SVIL: variants seen among roughly 807,000 people sequenced by gnomAD.
The protein encoded by SVIL is archvillin.
Under a neutral mutation model 240.4 loss-of-function variants are expected in SVIL, and 101 were observed. The ratio of observed to expected loss-of-function variants is 0.42; its 90% CI spans 0.36 to 0.50. The LOEUF is 0.50. Among genes scored for constraint, SVIL ranks in the 20% least tolerant of loss-of-function variants. The pLI, the probability that SVIL is intolerant of heterozygous loss-of-function variation, is 0.01. For synonymous variants in SVIL, 999 were observed against 1,100.0 expected (o/e 0.91, Z 1.82); for missense variants, 2,512 against 2,818.7 (o/e 0.89, Z 2.46).
intron 2 of SVIL, among the ~76,000 whole-genome samples, chr10:29,682,204 C>T (rs1409447566): frequency 1.3e-5 from 2 of 152,170 alleles, no homozygotes; most frequent in Admixed American, 1.3e-4. Flanking sequence ...GTCACCAACA[C>T]AGCTCCAATA....
At chr10:29,649,669 TAC>T (rs140706713) in intron 3 of SVIL, among the ~76,000 whole-genome samples, 15 of 150,402 alleles carry the variant, frequency 1.0e-4, no homozygotes, top group Non-Finnish European at 7.4e-5. Context: ...TGCATGGGCG[TAC>T]ACACACACAC....
At chr10:29,672,854 A>G (rs1002867476) in intron 2 of SVIL, among the ~76,000 whole-genome samples, 7 of 151,788 alleles carry the variant, frequency 4.6e-5, no homozygotes, top group Non-Finnish European at 7.4e-5. Flanking sequence ...TTGTTTATTT[A>G]TCTTTGTTTC....
rs1249868318 is a variant in SVIL at position 29,538,901 on chromosome 10, C to T, written c.828-2832G>A. On this transcript the variant is annotated intron_variant, in intron 6 of 37. Transcript: ENST00000355867. ...AGAGGCCAGGTGTGGTGGCTCACGC[C>T]TCTTGTAATCCCAGCCCTTTTGGAG... Among the ~76,000 whole-genome samples, 5 of 152,260 alleles carry T rather than the reference C, an allele frequency of 3.3e-5. No homozygotes were observed. The East Asian group carries it at 9.6e-4, about 29-fold the overall frequency.
intron 3 of SVIL, 82 bp from the exon 4 acceptor site, chr10:29,555,190 G>C (rs749717362): frequency 1.4e-5 from 18 of 1,314,132 alleles, no homozygotes; most frequent in Non-Finnish European, 1.8e-5. Flanking sequence ...CGTGTTTATT[G>C]AACTGCAAAT....
intron 1 of SVIL, among the ~76,000 whole-genome samples, chr10:29,700,914 A>C (rs1962468406): frequency 6.6e-6 from 1 of 152,182 alleles, no homozygotes; most frequent in Non-Finnish European, 1.5e-5. Flanking sequence ...CATCGCTTCA[A>C]GGCTCACCTG....
In SVIL at chr10:29,524,352, T is replaced by C. The variant is rs904455964; in HGVS notation, c.2586+120A>G. 5.5e-6 allele frequency: 8 copies of C among 1,466,212 alleles called. No individual in the cohort carries two copies. In the East Asian group the frequency reaches 1.8e-4, roughly 33 times the overall value. The allele number at this position is 1,466,212 out of a possible 1,614,324, so 90.8% of individuals were successfully genotyped here. A position where few individuals can be genotyped will look rare whatever the true frequency, so the allele number is the denominator to read the frequency against. On this transcript the variant is annotated intron_variant, in intron 14 of 37. Coordinates refer to ENST00000355867, the MANE Select transcript of SVIL (RefSeq NM_021738.3). ...GGAAGAAAGCTATTACCAAATCACC[T>C]ACAGGTAGCAGTTTCCTGGTAGAGC...
chr10:29,680,666 C>T (rs1369626648), intron 2 of SVIL, among the ~76,000 whole-genome samples: 1 of 152,230 alleles, frequency 6.6e-6, no homozygotes, highest in African/African-American at 2.4e-5. Flanking sequence ...CGCCTGTAAT[C>T]CCAGCACTTT....
chr10:29,670,648 T>C (rs1041712859), intron 2 of SVIL, among the ~76,000 whole-genome samples: 1 of 141,252 alleles, frequency 7.1e-6, no homozygotes, highest in African/African-American at 2.9e-5. Context: ...GATTTATAGG[T>C]TCAGGAAACT....
At chr10:29,474,742 G>GA (rs1358233048) in intron 29 of SVIL, among the ~76,000 whole-genome samples, 1 of 152,136 alleles carries the variant, frequency 6.6e-6, no homozygotes, top group African/African-American at 2.4e-5. Flanking sequence ...AGCTGGTAGA[G>GA]AAAAAATGTT....
chr10:29,524,222 G>A (rs1475960023), intron 14 of SVIL, among the ~76,000 whole-genome samples, 195 bp from the exon 15 acceptor site: 1 of 152,078 alleles, frequency 6.6e-6, no homozygotes, highest in African/African-American at 2.4e-5. Flanking sequence ...ACACAGTTGG[G>A]CATACTATTT....
intron 1 of SVIL, among the ~76,000 whole-genome samples, chr10:29,712,617 A>T (rs1313519233): frequency 2.0e-5 from 3 of 152,214 alleles, no homozygotes; most frequent in African/African-American, 7.2e-5. Context: ...CCTTTATAGC[A>T]ACACTAAAGG....
intron 3 of SVIL, among the ~76,000 whole-genome samples, chr10:29,654,539 C>T (rs1474841164): frequency 6.6e-6 from 1 of 152,174 alleles, no homozygotes; most frequent in East Asian, 1.9e-4. Flanking sequence ...TGTATAACTG[C>T]TCTGGCTAGA....
chr10:29,617,858 T>A (rs1427331844), intron 1 of SVIL, among the ~76,000 whole-genome samples: 1 of 152,198 alleles, frequency 6.6e-6, no homozygotes, highest in Non-Finnish European at 1.5e-5. Flanking sequence ...CAGGCCAAAT[T>A]TGACAGCAAA....
At chr10:29,717,233 A>T (rs12762723) in intron 1 of SVIL, among the ~76,000 whole-genome samples, 539 of 18,342 alleles carry the variant, frequency 0.029, no homozygotes, top group East Asian at 0.068. Flanking sequence ...ACTCTCTCTC[A>T]AAAAAAAAAA....
intron 1 of SVIL, among the ~76,000 whole-genome samples, chr10:29,611,972 G>A (rs1267680478): frequency 6.6e-6 from 1 of 152,108 alleles, no homozygotes; most frequent in Non-Finnish European, 1.5e-5. Flanking sequence ...TGGGAGGGTG[G>A]GGTTTGGAAT....
chr10:29,590,088 C>T (rs1956325784), intron 1 of SVIL, among the ~76,000 whole-genome samples: 1 of 142,514 alleles, frequency 7.0e-6, no homozygotes, highest in African/African-American at 2.7e-5. Context: ...ATTGCTTGAA[C>T]CTGGGAGGCG....
At chr10:29,529,018 A>C (rs1239744250) in intron 12 of SVIL, among the ~76,000 whole-genome samples, 1 of 151,884 alleles carries the variant, frequency 6.6e-6, no homozygotes, top group African/African-American at 2.4e-5. Flanking sequence ...TCTACTAAAA[A>C]TACAAAAATT....
At chr10:29,489,691 G>A (rs1947766827) in intron 22 of SVIL, among the ~76,000 whole-genome samples, 1 of 152,036 alleles carries the variant, frequency 6.6e-6, no homozygotes, top group Non-Finnish European at 1.5e-5. Flanking sequence ...GGGACCCCAG[G>A]TGAGTGCCAC....
chr10:29,558,208 C>A (rs932054228), intron 3 of SVIL, among the ~76,000 whole-genome samples: 4 of 152,174 alleles, frequency 2.6e-5, no homozygotes, highest in Non-Finnish European at 5.9e-5. Context: ...CAACGCAAAG[C>A]TATGCCAAGC....
Sources: allele counts gnomAD v4.1 joint callset (sites outside exome capture counted in the v4.1 genomes callset), GRCh38; gene constraint gnomAD v4.1.1; transcripts MANE v1.5; gene names NCBI Gene and HGNC (gene_info 2026-07-23, HGNC 2026-07-21).